BRWD1: variants seen among roughly 807,000 people sequenced by gnomAD.
BRWD1 encodes bromodomain and WD repeat-containing protein 1.
In BRWD1, 82 loss-of-function variants were observed where a neutral mutation model predicts 251.2. The ratio of observed to expected loss-of-function variants is 0.33; its 90% CI spans 0.27 to 0.39. The LOEUF is 0.39. Ranked by LOEUF, BRWD1 falls within the 10% of genes least tolerant of loss-of-function variation. The pLI is 1.00. For synonymous variants in BRWD1, 918 were observed against 902.8 expected, an observed-to-expected ratio of 1.02 and a Z score of -0.30; for missense variants, 2,233 against 2,711.6, an observed-to-expected ratio of 0.82 and a Z score of 3.92.
Position 39,232,239 on chromosome 21 carries a change from T to C in BRWD1, c.2938A>G (p.Arg980Gly). 6.2e-7 allele frequency: 1 copy of C among 1,613,638 alleles called. No homozygotes were observed. Among genetic ancestry groups the C allele is most frequent in the Non-Finnish European group, 8.5e-7 (1 of 1,179,752 alleles). The change falls in exon 25 of 41, where the codon AGA becomes GGA. Residue 980 changes from arginine to glycine, a missense_variant. Physicochemically the swap from Arg to Gly is moderately radical, Grantham distance 125 (BLOSUM62 -2). Around this residue, in one of 12 missense-constraint regions of BRWD1, gnomAD observed 139 missense variants for 272.8 expected, o/e 0.51. Coordinates refer to ENST00000342449, the MANE Select transcript of BRWD1 (RefSeq NM_033656.4). ...QGHEAYIEAV[R>G]RNNIYELNPN... is the part of the protein sequence containing the mutation. ...TTCAGTTCATAAATATTATTTCTTC[T>C]TACAGCCTCAATATAAGCTTCATGA...
chr21:39,251,012 T>C (rs931122811), intron 19 of BRWD1, 123 bp from the exon 20 acceptor site: 1 of 605,616 alleles, frequency 1.7e-6, no homozygotes, highest in Admixed American at 3.6e-5. Context: ...ATACACAAAA[T>C]CTCTGAAGTT....
At chr21:39,216,750 G>T in intron 31 of BRWD1, 1 of 404,906 alleles carries the variant, frequency 2.5e-6, no homozygotes, top group South Asian at 2.0e-5. Context: ...AAAGCCTGAA[G>T]AGACCACCTG....
At chr21:39,207,313 T>C (rs183849655) in intron 36 of BRWD1, among the ~76,000 whole-genome samples, 22 of 151,792 alleles carry the variant, frequency 1.4e-4, no homozygotes, top group Admixed American at 1.2e-3. Context: ...CGCAAGCCTG[T>C]AGTCCCAGCT....
chr21:39,296,279 G>A lies in BRWD1; in HGVS notation c.434C>T (p.Ser145Phe), dbSNP rs1205091198. The stretch of plus-strand genomic sequence containing the variant: ...ACCTTACTTACCAAGATTTGGTGGG[G>A]AACCATAATTCACTGGCATTTCAGG... ...RPPEMPVNYG[S>F]PPNLVEIHRG... The change falls in exon 6 of 41, where the codon TCC (serine) becomes TTC (phenylalanine). Residue 145 changes from serine to phenylalanine, a missense_variant. By Grantham distance (155) the Ser-to-Phe change is radical (BLOSUM62 -2). Around this residue, in one of 12 missense-constraint regions of BRWD1, gnomAD observed 185 missense variants for 260.6 expected, o/e 0.71. Coordinates refer to ENST00000342449, the MANE Select transcript of BRWD1 (RefSeq NM_033656.4). 6.3e-7 allele frequency: 1 copy of A among 1,596,790 alleles called. No individual in the cohort carries two copies. Among genetic ancestry groups the A allele is most frequent in the Non-Finnish European group, 8.5e-7 (1 of 1,173,708 alleles).
chr21:39,239,942 A>G (rs139754694), intron 21 of BRWD1, among the ~76,000 whole-genome samples: 27 of 152,334 alleles, frequency 1.8e-4, no homozygotes, highest in African/African-American at 6.3e-4. Flanking sequence ...CTACACCCAG[A>G]TGTTTATACC....
chr21:39,276,039 T>C (rs990530692), intron 12 of BRWD1, 134 bp downstream of exon 12: 8 of 665,914 alleles, frequency 1.2e-5, no homozygotes, highest in Admixed American at 4.8e-5. Flanking sequence ...TCTCAAAAAA[T>C]AAATAAATAA....
chr21:39,197,386 T>G lies in BRWD1; in HGVS notation c.5683A>C (p.Arg1895=), dbSNP rs145083729. ...DSASQDNGLS[R]KISRKRVCSS... ...CAGACCCTTTTCCTGGAAATTTTTC[T>G]GCTTAGTCCATTGTCTTGTGATGCA... is the stretch of plus-strand genomic sequence containing the variant. The change falls in exon 41 of 41, where the codon AGA becomes CGA. Residue 1895 remains arginine, a synonymous_variant. Coordinates refer to ENST00000342449, the MANE Select transcript of BRWD1 (RefSeq NM_033656.4). 360 of 1,601,432 alleles carry G rather than the reference T, an allele frequency of 2.2e-4. No individual in the cohort carries two copies. In the African/African-American group the frequency reaches 4.2e-3, roughly 19 times the overall value.
chr21:39,300,068 T>G (rs58657501), intron 4 of BRWD1, among the ~76,000 whole-genome samples: 1 of 152,046 alleles, frequency 6.6e-6, no homozygotes, highest in Non-Finnish European at 1.5e-5. Flanking sequence ...CAGAAAAGAA[T>G]AAGAAAAAAC....
rs1224520536 is a variant in BRWD1 at position 39,225,216 on chromosome 21, A to G, written c.3209-19T>C. 1 of 1,506,950 alleles carries G rather than the reference A, an allele frequency of 6.6e-7. No homozygotes were observed. The highest frequency in any genetic ancestry group is 9.2e-7 in the Non-Finnish European group (1 of 1,083,904). 93.3% of individuals were successfully genotyped at this position (1,506,950 alleles called of 1,614,324 possible). On this transcript the variant is annotated intron_variant, in intron 27 of 40. Coordinates refer to ENST00000342449, the MANE Select transcript of BRWD1 (RefSeq NM_033656.4). The stretch of plus-strand genomic sequence containing the variant: ...CTGTCACCTAGGAGAGAAATGATCA[A>G]GTCTGAGGCATTTCTCTGCTAACAT...
intron 15 of BRWD1, among the ~76,000 whole-genome samples, chr21:39,267,008 T>A (rs1415976988): frequency 1.3e-5 from 2 of 152,242 alleles, no homozygotes; most frequent in African/African-American, 4.8e-5. Flanking sequence ...GGATGTAATA[T>A]TATTACTGAG....
chr21:39,212,013 C>T (rs2032682240), intron 34 of BRWD1, among the ~76,000 whole-genome samples: 1 of 152,060 alleles, frequency 6.6e-6, no homozygotes, highest in East Asian at 1.9e-4. Context: ...GACCCTTCTC[C>T]TTACCCCTCA....
Position 39,194,809 on chromosome 21 carries a change from T to G in BRWD1, c.*1450A>C. 1 of 1,534,656 alleles carries G rather than the reference T, an allele frequency of 6.5e-7. No homozygotes were observed. Among genetic ancestry groups the G allele is most frequent in the Non-Finnish European group, 8.7e-7 (1 of 1,145,702 alleles). ...ACATTGTCTAATATTGATACCAGTC[T>G]GATGCTTCACCTTATCTGCCACTTC... On this transcript the variant is annotated 3_prime_UTR_variant, in exon 41 of 41. Transcript: ENST00000342449.
chr21:39,273,233 T>C (rs1030048654), intron 13 of BRWD1, among the ~76,000 whole-genome samples: 2 of 152,202 alleles, frequency 1.3e-5, no homozygotes, highest in Non-Finnish European at 2.9e-5. Flanking sequence ...CTTTAAATTA[T>C]CTTCACCCCC....
intron 30 of BRWD1, 51 bp downstream of exon 30, chr21:39,218,454 A>T (rs752408376): frequency 6.7e-7 from 1 of 1,502,950 alleles, no homozygotes; most frequent in East Asian, 2.3e-5. Context: ...AAATACCTTT[A>T]TGAAAAAAAT....
Position 39,197,283 on chromosome 21 carries a change from C to T in BRWD1, c.5786G>A (p.Arg1929Gln), listed in dbSNP as rs746368544. The change falls in exon 41 of 41, where the codon CGA becomes CAA. Residue 1929 changes from arginine (R) to glutamine (Q), a missense_variant. Physicochemically the swap from Arg to Gln is conservative, Grantham distance 43 (BLOSUM62 1). This residue lies in a region of BRWD1 where 928 missense variants were observed against 970.0 expected (regional missense o/e 0.96). Coordinates refer to ENST00000342449, the MANE Select transcript of BRWD1 (RefSeq NM_033656.4). ...KARTGLLRIT[R>Q]RCAATAANKI... ...ATTGGCAGCCGTAGCTGCACATCTT[C>T]GAGTAATCCTCAGGAGACCTGTTCT... 6.8e-6 allele frequency: 11 copies of T among 1,613,944 alleles called. No individual in the cohort carries two copies. Among genetic ancestry groups the T allele is most frequent in the East Asian group, 2.2e-5 (1 of 44,890 alleles).
rs2031321173 is a variant in BRWD1 at position 39,187,680 on chromosome 21, C to A, written c.*8579G>T. The A allele has an allele frequency of 2.0e-6, 2 of 985,342 alleles. No homozygotes were observed. The highest frequency in any genetic ancestry group is 2.4e-6 in the Non-Finnish European group (2 of 829,860). 61.0% of individuals were successfully genotyped at this position (985,342 alleles called of 1,614,324 possible). On this transcript the variant is annotated 3_prime_UTR_variant, in exon 41 of 41. Transcript: ENST00000342449. ...TGAAAAGTTCCTTCAGCATCGGCATCATAAAGCTGCTAATCTAAAAACATA... is the reference window on the plus strand; with the variant it reads ...TGAAAAGTTCCTTCAGCATCGGCATAATAAAGCTGCTAATCTAAAAACATA...
At chr21:39,213,387 A>G (rs1360471608) in intron 33 of BRWD1, 94 bp downstream of exon 33, 27 of 996,590 alleles carry the variant, frequency 2.7e-5, no homozygotes, top group Non-Finnish European at 3.7e-5. Context: ...TTGGACTACT[A>G]CAAGAGTTGG....
intron 18 of BRWD1, among the ~76,000 whole-genome samples, chr21:39,256,218 T>C (rs1458032016): frequency 6.6e-6 from 1 of 152,234 alleles, no homozygotes; most frequent in Non-Finnish European, 1.5e-5. Flanking sequence ...TCTGAAATTA[T>C]AAAATGTACA....
Position 39,188,730 on chromosome 21 carries a change from G to A in BRWD1, c.*7529C>T. 1 of 985,406 alleles carries A rather than the reference G, an allele frequency of 1.0e-6. No homozygotes were observed. The highest frequency in any genetic ancestry group is 1.2e-6 in the Non-Finnish European group (1 of 829,916). The allele number at this position is 985,406 out of a possible 1,614,324, so 61.0% of individuals were successfully genotyped here. A position where few individuals can be genotyped will look rare whatever the true frequency, so the allele number is the denominator to read the frequency against. Reference sequence around the variant, plus strand: ...ATTTCACACTTCTCTAAGATCAGTTGAGCGTTCTCCCCAGAATAGGTTAGG... The same window carrying A: ...ATTTCACACTTCTCTAAGATCAGTTAAGCGTTCTCCCCAGAATAGGTTAGG... On this transcript the variant is annotated 3_prime_UTR_variant, in exon 41 of 41. Coordinates refer to ENST00000342449, the MANE Select transcript of BRWD1 (RefSeq NM_033656.4).
Sources: allele counts gnomAD v4.1 joint callset (sites outside exome capture counted in the v4.1 genomes callset), GRCh38; gene constraint gnomAD v4.1.1; regional missense constraint gnomAD v4.1.1; transcripts MANE v1.5; gene names NCBI Gene and HGNC (gene_info 2026-07-23, HGNC 2026-07-21).